Variants in DNAH9 observed in about 807,000 individuals in gnomAD.
The protein encoded by DNAH9 is DNAH9 variant protein.
In DNAH9, 345 loss-of-function variants were observed where a neutral mutation model predicts 471.6. That is an observed-to-expected ratio of 0.73 (90% CI 0.67 to 0.80). The LOEUF is 0.80. DNAH9 is among the 30% of genes least tolerant of loss of function. The pLI is 0.00. For synonymous variants in DNAH9, 2,093 were observed against 2,123.6 expected, an observed-to-expected ratio of 0.99 and a Z score of 0.40; for missense variants, 5,407 against 5,609.2, an observed-to-expected ratio of 0.96 and a Z score of 1.15.
intron 39 of DNAH9, 104 bp downstream of exon 39, chr17:11,781,278 T>G: frequency 2.5e-6 from 3 of 1,198,330 alleles, no homozygotes; most frequent in Non-Finnish European, 3.4e-6. Context: ...AGCATAGCTC[T>G]GGTGCCAGAT....
chr17:11,705,275 C>T, intron 26 of DNAH9, 90 bp downstream of exon 26: 1 of 1,169,188 alleles, frequency 8.6e-7, no homozygotes. Context: ...CTGTCACTTG[C>T]TATTTGTCCA....
At chr17:11,707,594 C>T (rs768908395) in intron 26 of DNAH9, among the ~76,000 whole-genome samples, 5 of 150,806 alleles carry the variant, frequency 3.3e-5, no homozygotes, top group South Asian at 2.1e-4. Flanking sequence ...GAGGAGAGTC[C>T]GACTCGAACT....
At position 11,763,627 on chromosome 17, in the gene DNAH9, G is replaced by A; in HGVS notation, c.7170+13G>A. On this transcript the variant is annotated intron_variant, in intron 36 of 68. Coordinates refer to ENST00000262442, the MANE Select transcript of DNAH9 (RefSeq NM_001372.4). ...GGTCCAAGATCAGGTAAGGAGATAT[G>A]TTGAGCTCAACAACCACACTGAAGT... 1 of 1,612,556 alleles carries A rather than the reference G, an allele frequency of 6.2e-7. No individual in the cohort carries two copies. Among genetic ancestry groups the A allele is most frequent in the Non-Finnish European group, 8.5e-7 (1 of 1,179,130 alleles).
At chr17:11,800,973 A>G (rs1409931570) in intron 43 of DNAH9, among the ~76,000 whole-genome samples, 1 of 152,182 alleles carries the variant, frequency 6.6e-6, no homozygotes, top group Non-Finnish European at 1.5e-5. Flanking sequence ...AATTATAACT[A>G]GGGTCATCAG....
In DNAH9 at chr17:11,822,059, G is replaced by A; in HGVS notation, c.8847G>A (p.Leu2949=). The change falls in exon 46 of 69, where the codon CTG becomes CTA. Residue 2949 remains leucine (L), a synonymous_variant. Coordinates refer to ENST00000262442, the MANE Select transcript of DNAH9 (RefSeq NM_001372.4). ...TTATAGATCGGATCCGGCGACAGCT[G>A]AAGGTAAAGAGCATTTACTGACAGG... ...KFFIDRIRRQ[L]KVTLCFSPVG... 3 of 1,611,308 alleles carry A rather than the reference G, an allele frequency of 1.9e-6. No individual in the cohort carries two copies. Among genetic ancestry groups the A allele is most frequent in the Non-Finnish European group, 2.5e-6 (3 of 1,179,062 alleles).
At chr17:11,712,900 A>T (rs1426832243) in intron 26 of DNAH9, among the ~76,000 whole-genome samples, 2 of 127,740 alleles carry the variant, frequency 1.6e-5, no homozygotes, top group African/African-American at 1.0e-4. Context: ...GAGTTATTTA[A>T]AAAAAAAAAC....
intron 67 of DNAH9, among the ~76,000 whole-genome samples, chr17:11,954,769 TA>T (rs34740871): frequency 0.26 from 30,386 of 118,602 alleles, 3,841 homozygotes; most frequent in Middle Eastern, 0.37. Context: ...GACTTCGTCT[TA>T]AAAAAAAAAA....
intron 24 of DNAH9, 115 bp downstream of exon 24, chr17:11,701,362 G>A: frequency 1.7e-6 from 2 of 1,206,336 alleles, no homozygotes; most frequent in Non-Finnish European, 2.4e-6. Flanking sequence ...CACAGCCAGG[G>A]AGGCTTGAAT....
intron 48 of DNAH9, among the ~76,000 whole-genome samples, chr17:11,830,415 A>G (rs1462799889): frequency 6.6e-6 from 1 of 152,214 alleles, no homozygotes; most frequent in African/African-American, 2.4e-5. Flanking sequence ...ACATCTGTCA[A>G]TCTGGAAACT....
chr17:11,898,966 A>T (rs747696165), intron 59 of DNAH9, among the ~76,000 whole-genome samples: 1 of 152,200 alleles, frequency 6.6e-6, no homozygotes, highest in African/African-American at 2.4e-5. Context: ...GCTTTTGCCA[A>T]CTAGGGAAGC....
At chr17:11,635,137 CA>C (rs1182560274) in intron 8 of DNAH9, among the ~76,000 whole-genome samples, 1 of 151,972 alleles carries the variant, frequency 6.6e-6, no homozygotes, top group Non-Finnish European at 1.5e-5. Flanking sequence ...TTTTCTGTCA[CA>C]CACTCTTTTT....
intron 61 of DNAH9, among the ~76,000 whole-genome samples, chr17:11,916,478 T>G (rs113291512): frequency 1.1e-4 from 17 of 152,348 alleles, no homozygotes; most frequent in African/African-American, 4.1e-4. Flanking sequence ...AGGACATATA[T>G]TCTGGTGACA....
rs141780233 is a variant in DNAH9 at position 11,675,980 on chromosome 17, A to G, written c.3354-3777A>G. ...TAATTCTTCTTATTTTTTCTCCAGA[A>G]GAGTTGGTGTAATCTTGAAATTTTC... On this transcript the variant is annotated intron_variant, in intron 17 of 68. Transcript: ENST00000262442. 3.4e-3 allele frequency among the ~76,000 whole-genome samples: 522 copies of G among 152,172 alleles called. 2 individuals are homozygous for G. The highest frequency in any genetic ancestry group is 0.012 in the African/African-American group (502 of 41,536).
intron 13 of DNAH9, among the ~76,000 whole-genome samples, chr17:11,651,800 C>A (rs1191059069): frequency 1.3e-5 from 2 of 151,950 alleles, no homozygotes; most frequent in Non-Finnish European, 2.9e-5. Flanking sequence ...TGGTCTCTAC[C>A]CTCAAAGAGC....
chr17:11,812,553 G>A (rs1229623237), intron 45 of DNAH9, among the ~76,000 whole-genome samples: 1 of 152,090 alleles, frequency 6.6e-6, no homozygotes, highest in Non-Finnish European at 1.5e-5. Flanking sequence ...TTCATGAAGA[G>A]CCACTGGTCC....
chr17:11,647,354 C>A (rs917394739), intron 12 of DNAH9, among the ~76,000 whole-genome samples, 156 bp downstream of exon 12: 3 of 152,174 alleles, frequency 2.0e-5, no homozygotes, highest in Non-Finnish European at 2.9e-5. Flanking sequence ...CTCACTACAA[C>A]CCCTACCTCC....
At chr17:11,966,609 TTCTA>T (rs1472359907) in intron 68 of DNAH9, among the ~76,000 whole-genome samples, 2 of 152,246 alleles carry the variant, frequency 1.3e-5, no homozygotes, top group African/African-American at 2.4e-5. Context: ...TTTATTTCTC[TTCTA>T]TCTAATTTAA....
intron 67 of DNAH9, among the ~76,000 whole-genome samples, chr17:11,944,916 A>AG (rs1211171390): frequency 6.6e-6 from 1 of 152,234 alleles, no homozygotes; most frequent in Non-Finnish European, 1.5e-5. Context: ...GAAGGTGCAA[A>AG]GGGGATGGCA....
At chr17:11,748,027 G>C (rs1319605969) in intron 32 of DNAH9, among the ~76,000 whole-genome samples, 1 of 151,984 alleles carries the variant, frequency 6.6e-6, no homozygotes, top group Non-Finnish European at 1.5e-5. Context: ...AAAGCTGGCT[G>C]GGCACAGTGG....
Sources: gnomAD v4.1 joint callset for allele counts (sites outside exome capture counted in the v4.1 genomes callset) on GRCh38, gnomAD v4.1.1 for gene constraint, MANE v1.5 for transcripts, NCBI Gene and HGNC (gene_info 2026-07-23, HGNC 2026-07-21) for gene names.